Variants in CUL3 observed in about 807,000 individuals in gnomAD.
The protein encoded by CUL3 is cullin-3.
CUL3 carries 19 observed loss-of-function variants against 89.1 expected under a neutral mutation model. The ratio of observed to expected loss-of-function variants is 0.21; its 90% CI spans 0.15 to 0.31. The LOEUF is 0.31. Among genes scored for constraint, CUL3 ranks in the 10% least tolerant of loss-of-function variants. The pLI, the probability that CUL3 is intolerant of heterozygous loss-of-function variation, is 1.00. For missense variants in CUL3, 469 were observed against 942.3 expected, an observed-to-expected ratio of 0.50 and a Z score of 6.58; for synonymous variants, 351 against 308.4, an observed-to-expected ratio of 1.14 and a Z score of -1.45.
chr2:224,542,576 C>G (rs149094769), intron 2 of CUL3, among the ~76,000 whole-genome samples: 3 of 151,496 alleles, frequency 2.0e-5, no homozygotes, highest in Non-Finnish European at 4.4e-5. Context: ...TGTGTGCGCG[C>G]GCGCATGCGT....
chr2:224,513,694 A>G, intron 4 of CUL3, 56 bp from the exon 5 acceptor site: 1 of 1,249,220 alleles, frequency 8.0e-7, no homozygotes, highest in Non-Finnish European at 1.1e-6. Context: ...AAATTCACAT[A>G]AAAATTACAA....
intron 13 of CUL3, among the ~76,000 whole-genome samples, chr2:224,484,771 C>A (rs1040682447): frequency 6.6e-6 from 1 of 152,128 alleles, no homozygotes; most frequent in Non-Finnish European, 1.5e-5. Context: ...CTTAATACTA[C>A]CCTCTTCTCA....
At chr2:224,500,583 C>A in intron 10 of CUL3, 96 bp from the exon 11 acceptor site, 1 of 1,122,006 alleles carries the variant, frequency 8.9e-7, no homozygotes, top group South Asian at 1.9e-5. Context: ...AAGCAGTTAG[C>A]TCCATGTCTA....
chr2:224,474,538 ATAT>A (rs1574605180), intron 15 of CUL3, 162 bp from the exon 16 acceptor site: 20 of 599,634 alleles, frequency 3.3e-5, no homozygotes, highest in Non-Finnish European at 5.5e-5. Context: ...TGAAAATGTA[ATAT>A]TATGGTTACA....
chr2:224,584,871 C>T (rs2106331078), intron 1 of CUL3, 73 bp downstream of exon 1: 1 of 1,229,092 alleles, frequency 8.1e-7, no homozygotes, highest in East Asian at 3.8e-5. Flanking sequence ...TGGGGGACTT[C>T]AGCCCGGGCC....
At chr2:224,524,557 G>T (rs1412602006) in intron 3 of CUL3, among the ~76,000 whole-genome samples, 1 of 152,086 alleles carries the variant, frequency 6.6e-6, no homozygotes, top group South Asian at 2.1e-4. Context: ...GACCCCAGAG[G>T]AACTATGCTC....
chr2:224,540,507 C>G (rs1226537831), intron 2 of CUL3, among the ~76,000 whole-genome samples: 1 of 151,982 alleles, frequency 6.6e-6, no homozygotes, highest in Non-Finnish European at 1.5e-5. Flanking sequence ...CAAAAGACAA[C>G]CCTAATTTTA....
In CUL3 at chr2:224,569,809, T is replaced by G. The variant is rs886184267; in HGVS notation, c.67-11953A>C. 1.3e-5 allele frequency: 14 copies of G among 1,102,242 alleles called. No homozygotes were observed. In the African/African-American group the frequency reaches 2.2e-4, roughly 17 times the overall value. The allele number at this position is 1,102,242 out of a possible 1,614,324, so 68.3% of individuals were successfully genotyped here. ...AAAGGACAAGAAGTCTTTAGTCCTCTGTGAATAATTTTCTACAAGAAAAAA... is the reference window on the plus strand; with the variant it reads ...AAAGGACAAGAAGTCTTTAGTCCTCGGTGAATAATTTTCTACAAGAAAAAA... On this transcript the variant is annotated intron_variant, in intron 1 of 15. Coordinates refer to ENST00000264414, the MANE Select transcript of CUL3 (RefSeq NM_003590.5).
At chr2:224,564,957 CCTT>C (rs1346170246) in intron 1 of CUL3, among the ~76,000 whole-genome samples, 1 of 152,164 alleles carries the variant, frequency 6.6e-6, no homozygotes, top group East Asian at 1.9e-4. Context: ...TCTCTCATCT[CCTT>C]CTTATCCAAT....
At chr2:224,568,056 T>TC (rs1268201695) in intron 1 of CUL3, among the ~76,000 whole-genome samples, 2 of 152,136 alleles carry the variant, frequency 1.3e-5, no homozygotes, top group African/African-American at 2.4e-5. Context: ...ATGTCTTTTT[T>TC]CCCCCCTGCT....
At chr2:224,475,792 A>G (rs1308609093) in intron 15 of CUL3, among the ~76,000 whole-genome samples, 3 of 151,634 alleles carry the variant, frequency 2.0e-5, no homozygotes, top group Non-Finnish European at 4.4e-5. Flanking sequence ...AGGACCTTCT[A>G]CTCCTGATTC....
chr2:224,492,464 C>T (rs1692022801), intron 13 of CUL3, among the ~76,000 whole-genome samples: 1 of 152,056 alleles, frequency 6.6e-6, no homozygotes, highest in Non-Finnish European at 1.5e-5. Context: ...CAGACTCATT[C>T]TCATAAAATT....
chr2:224,475,823 C>T (rs1190556690), intron 15 of CUL3, among the ~76,000 whole-genome samples: 1 of 152,144 alleles, frequency 6.6e-6, no homozygotes, highest in Non-Finnish European at 1.5e-5. Context: ...ATCCCATAAA[C>T]ACTATTTGAT....
At chr2:224,504,041 G>A (rs1306754942) in intron 8 of CUL3, 8 of 406,172 alleles carry the variant, frequency 2.0e-5, no homozygotes, top group Admixed American at 4.2e-5. Context: ...GGGTTGGAGT[G>A]GAATTCTATT....
Position 224,495,691 on chromosome 2 carries a change from CAGTTCCAT to C in CUL3, c.1842+133_1842+140del, listed in dbSNP as rs1478807642. The C allele has an allele frequency of 2.3e-5, 14 of 609,692 alleles. No individual in the cohort carries two copies. In the African/African-American group the frequency reaches 2.4e-4, roughly 11 times the overall value. 37.8% of individuals were successfully genotyped at this position (609,692 alleles called of 1,614,324 possible). The stretch of plus-strand genomic sequence containing the variant: ...ACTCAATACATGTATGATGTTCATA[CAGTTCCAT>C]GATCCATTTTATACAGTTTTCTCTA... On this transcript the variant is annotated intron_variant, in intron 13 of 15. Coordinates refer to ENST00000264414, the MANE Select transcript of CUL3 (RefSeq NM_003590.5).
At chr2:224,552,240 GA>G (rs1694541601) in intron 2 of CUL3, among the ~76,000 whole-genome samples, 1 of 151,738 alleles carries the variant, frequency 6.6e-6, no homozygotes, top group Non-Finnish European at 1.5e-5. Flanking sequence ...ACTTTATTTA[GA>G]AAAAAAGTTA....
intron 2 of CUL3, among the ~76,000 whole-genome samples, chr2:224,547,151 A>G (rs1277754456): frequency 1.3e-5 from 2 of 152,190 alleles, no homozygotes; most frequent in Non-Finnish European, 2.9e-5. Context: ...ATGCCTGACT[A>G]CATCTTCTCC....
At chr2:224,520,393 T>C (rs1057169867) in intron 3 of CUL3, among the ~76,000 whole-genome samples, 2 of 152,230 alleles carry the variant, frequency 1.3e-5, no homozygotes, top group East Asian at 3.8e-4. Context: ...TCTGACTTCA[T>C]CCATACAGTA....
chr2:224,554,217 T>G (rs1437980430), intron 2 of CUL3, among the ~76,000 whole-genome samples: 7 of 152,220 alleles, frequency 4.6e-5, no homozygotes, highest in Admixed American at 4.6e-4. Context: ...TATCTTCTTC[T>G]GCACTTGCCA....
Sources: allele counts gnomAD v4.1 joint callset (sites outside exome capture counted in the v4.1 genomes callset), GRCh38; gene constraint gnomAD v4.1.1; transcripts MANE v1.5; gene names NCBI Gene and HGNC (gene_info 2026-07-23, HGNC 2026-07-21).